SLC8A1: variants seen among roughly 807,000 people sequenced by gnomAD.
The protein encoded by SLC8A1 is sodium/calcium exchanger 1.
A neutral mutation model predicts 68.3 loss-of-function variants in SLC8A1; 18 were observed. The ratio of observed to expected loss-of-function variants is 0.26; its 90% CI spans 0.18 to 0.39. The LOEUF (loss-of-function observed/expected upper bound fraction) is 0.39. Ranked by LOEUF, SLC8A1 falls within the 10% of genes least tolerant of loss-of-function variation. The pLI is 1.00. For missense variants in SLC8A1, 985 were observed against 1,156.7 expected, an observed-to-expected ratio of 0.85 and a Z score of 2.15; for synonymous variants, 475 against 415.5, an observed-to-expected ratio of 1.14 and a Z score of -1.74.
intron 7 of SLC8A1, among the ~76,000 whole-genome samples, chr2:40,130,253 C>G (rs1298348161): frequency 6.6e-6 from 1 of 152,176 alleles, no homozygotes; most frequent in Non-Finnish European, 1.5e-5. Context: ...TCTTAGTATA[C>G]GATAACAGGC....
chr2:40,372,139 T>C (rs1159142246), intron 2 of SLC8A1, among the ~76,000 whole-genome samples: 4 of 152,116 alleles, frequency 2.6e-5, no homozygotes, highest in Non-Finnish European at 4.4e-5. Flanking sequence ...ATATTTATAA[T>C]AATCACATTC....
At chr2:40,404,015 T>G (rs758449419) in intron 2 of SLC8A1, among the ~76,000 whole-genome samples, 1 of 152,204 alleles carries the variant, frequency 6.6e-6, no homozygotes, top group Non-Finnish European at 1.5e-5. Flanking sequence ...TGGTATCTAA[T>G]AGAGAATATT....
intron 2 of SLC8A1, among the ~76,000 whole-genome samples, chr2:40,360,474 C>T (rs1035323832): frequency 2.0e-5 from 3 of 152,154 alleles, no homozygotes; most frequent in African/African-American, 7.2e-5. Flanking sequence ...TTATCCTCTA[C>T]CTTATTGAAT....
intron 1 of SLC8A1, among the ~76,000 whole-genome samples, chr2:40,442,924 A>G (rs1470072173): frequency 1.3e-5 from 2 of 152,230 alleles, no homozygotes; most frequent in East Asian, 1.9e-4. Context: ...CTATGCAGCC[A>G]TAACAAGGAG....
chr2:40,452,292 C>T (rs1489768595), upstream of SLC8A1, among the ~76,000 whole-genome samples: 1 of 151,750 alleles, frequency 6.6e-6, no homozygotes, highest in East Asian at 1.9e-4. Context: ...CCTTGGGCTC[C>T]CCAGGCGATC....
chr2:40,494,129 A>C (rs1465133474), intron 1 of SLC8A1, among the ~76,000 whole-genome samples: 8 of 151,996 alleles, frequency 5.3e-5, no homozygotes, highest in Admixed American at 6.6e-5. Flanking sequence ...TAATAATAAT[A>C]ATCATAATAA....
chr2:40,175,375 T>C, intron 3 of SLC8A1, 94 bp from the exon 4 acceptor site: 2 of 1,301,078 alleles, frequency 1.5e-6, no homozygotes. Context: ...TCCAGGCAGA[T>C]CTGATTACAG....
At position 40,315,147 on chromosome 2, in the gene SLC8A1, G is replaced by C. The variant is rs1015140139; in HGVS notation, c.1808+113326C>G. Among the ~76,000 whole-genome samples, 3 of 151,796 alleles carry C rather than the reference G, an allele frequency of 2.0e-5. 1 individual carries two copies. The highest frequency in any genetic ancestry group is 4.4e-5 in the Non-Finnish European group (3 of 67,890). ...GTTTTTTCATGTATGTCCTTTATTA[G>C]GTTGAAGAAGTTCCCACTATTCCTA... On this transcript the variant is annotated intron_variant, in intron 2 of 7. Transcript: ENST00000406785.
chr2:40,486,380 T>A (rs80321413), intron 1 of SLC8A1, among the ~76,000 whole-genome samples: 2,119 of 152,318 alleles, frequency 0.014, 39 homozygotes, highest in African/African-American at 0.048. Context: ...AGTACTGATA[T>A]CCTCTGCTTC....
intron 2 of SLC8A1, among the ~76,000 whole-genome samples, chr2:40,361,649 A>T (rs1168713084): frequency 2.0e-5 from 3 of 152,000 alleles, no homozygotes; most frequent in Non-Finnish European, 2.9e-5. Context: ...ATAAACTAAG[A>T]GCAGCACGAT....
chr2:40,342,733 A>C (rs1435554819), intron 2 of SLC8A1, among the ~76,000 whole-genome samples: 1 of 152,170 alleles, frequency 6.6e-6, no homozygotes, highest in African/African-American at 2.4e-5. Flanking sequence ...CTCACACAAT[A>C]AACTTCAAGG....
Position 40,431,637 on chromosome 2 carries a change from G to A in SLC8A1, c.-24-1333C>T, listed in dbSNP as rs528555952. On this transcript the variant is annotated intron_variant, in intron 1 of 7. Transcript: ENST00000406785. ...GACTGTCTCCCAGGCCTTGCAGGAT[G>A]GACTAGTTATGACATCAGATAAAGC... Among the ~76,000 whole-genome samples, 48 of 152,252 alleles carry A rather than the reference G, an allele frequency of 3.2e-4. No homozygotes were observed. The South Asian group carries it at 3.9e-3, about 12-fold the overall frequency.
At chr2:40,374,495 T>C (rs1679172074) in intron 2 of SLC8A1, among the ~76,000 whole-genome samples, 1 of 152,106 alleles carries the variant, frequency 6.6e-6, no homozygotes, top group Non-Finnish European at 1.5e-5. Flanking sequence ...TTTGGAATTA[T>C]AAACTGTACA....
At chr2:40,116,765 T>G (rs1417095748) in intron 7 of SLC8A1, 1 of 152,230 alleles carries the variant, frequency 6.6e-6, no homozygotes, top group African/African-American at 2.4e-5. Flanking sequence ...GCACCAATGA[T>G]CATTTTCAAA....
chr2:40,307,305 C>T (rs2072837643), intron 2 of SLC8A1, among the ~76,000 whole-genome samples: 2 of 151,984 alleles, frequency 1.3e-5, no homozygotes, highest in South Asian at 4.2e-4. Context: ...CACATAAAGG[C>T]AAGTATGATT....
chr2:40,170,847 G>T (rs546379633), intron 4 of SLC8A1, among the ~76,000 whole-genome samples: 1 of 152,296 alleles, frequency 6.6e-6, no homozygotes, highest in East Asian at 1.9e-4. Context: ...GCCTTGTGTA[G>T]GCCATTTCTC....
intron 2 of SLC8A1, among the ~76,000 whole-genome samples, chr2:40,193,781 G>A (rs1398075893): frequency 2.6e-5 from 4 of 152,068 alleles, no homozygotes; most frequent in Non-Finnish European, 4.4e-5. Flanking sequence ...AGCAGATGTG[G>A]AGAAGATATT....
chr2:40,197,994 G>A (rs893849388), intron 2 of SLC8A1, among the ~76,000 whole-genome samples: 1 of 151,926 alleles, frequency 6.6e-6, no homozygotes, highest in African/African-American at 2.4e-5. Flanking sequence ...TAGCGACAAA[G>A]TGAATATAGA....
At chr2:40,428,835 A>G in exon 2 of SLC8A1, 1 of 1,613,854 alleles carries the variant, frequency 6.2e-7, no homozygotes, top group Admixed American at 1.7e-5. Context: ...CAAAGATATC[A>G]TCATCTATGA....
Sources: allele counts gnomAD v4.1 joint callset (sites outside exome capture counted in the v4.1 genomes callset), GRCh38; gene constraint gnomAD v4.1.1; transcripts MANE v1.5; gene names NCBI Gene and HGNC (gene_info 2026-07-23, HGNC 2026-07-21).